Variants in ZFYVE28 observed in about 807,000 individuals in gnomAD.
ZFYVE28 encodes the protein zinc finger FYVE-type containing 28.
In ZFYVE28, 40 loss-of-function variants were observed where a neutral mutation model predicts 82.1. That is an observed-to-expected ratio of 0.49 (90% CI 0.38 to 0.63). The LOEUF (loss-of-function observed/expected upper bound fraction) is 0.63. ZFYVE28 is among the 30% of genes least tolerant of loss of function. The probability of loss-of-function intolerance (pLI) is 0.00; values close to 1 mark genes in which losing one functional copy is unlikely to be tolerated. For missense variants in ZFYVE28, 1,321 were observed against 1,242.1 expected, an observed-to-expected ratio of 1.06 and a Z score of -0.96; for synonymous variants, 612 against 546.1, an observed-to-expected ratio of 1.12 and a Z score of -1.68.
At chr4:2,327,285 TATATATATATATATATATATATATCG>T (rs1046533831) in intron 6 of ZFYVE28, among the ~76,000 whole-genome samples, 1 of 34,698 alleles carries the variant, frequency 2.9e-5, no homozygotes, top group African/African-American at 7.9e-5. Flanking sequence ...TATATATATA[TATATATATATATATATATATATATCG>T]AATAAAGTTG....
At chr4:2,399,243 T>G (rs1560339420) in intron 1 of ZFYVE28, among the ~76,000 whole-genome samples, 1 of 151,542 alleles carries the variant, frequency 6.6e-6, no homozygotes, top group Non-Finnish European at 1.5e-5. Flanking sequence ...GGGGTTGAGA[T>G]CCAGCCCTGC....
intron 1 of ZFYVE28, among the ~76,000 whole-genome samples, chr4:2,371,926 C>T (rs931606216): frequency 7.2e-5 from 11 of 152,040 alleles, no homozygotes; most frequent in African/African-American, 1.2e-4. Context: ...AGCTGATGGC[C>T]GTGTGTCCCC....
intron 6 of ZFYVE28, among the ~76,000 whole-genome samples, chr4:2,334,186 C>T (rs1721194391): frequency 6.6e-6 from 1 of 152,158 alleles, no homozygotes; most frequent in African/African-American, 2.4e-5. Flanking sequence ...AAGGACGGCG[C>T]AGGAAACAGG....
intron 1 of ZFYVE28, chr4:2,364,728 G>C (rs545556609): frequency 2.0e-6 from 2 of 985,532 alleles, no homozygotes; most frequent in African/African-American, 3.5e-5. Flanking sequence ...AGTGGTGGAC[G>C]CAGGTGATGA....
chr4:2,359,141 AT>A (rs60652968), intron 1 of ZFYVE28, among the ~76,000 whole-genome samples: 306 of 143,850 alleles, frequency 2.1e-3, no homozygotes, highest in Middle Eastern at 3.5e-3. Context: ...GGCCCGGCTA[AT>A]TTTTTTTTTT....
intron 1 of ZFYVE28, among the ~76,000 whole-genome samples, chr4:2,413,892 C>T (rs1050504633): frequency 3.3e-5 from 5 of 152,242 alleles, no homozygotes; most frequent in Admixed American, 6.5e-5. Context: ...AGACCCCTCC[C>T]ACAGCCTTCC....
chr4:2,317,955 G>C (rs1233668135), intron 7 of ZFYVE28, among the ~76,000 whole-genome samples: 1 of 152,132 alleles, frequency 6.6e-6, no homozygotes, highest in Non-Finnish European at 1.5e-5. Context: ...TTGTTCCTAA[G>C]CACCTGGAAA....
intron 2 of ZFYVE28, among the ~76,000 whole-genome samples, chr4:2,351,749 G>C (rs940730249): frequency 6.6e-6 from 1 of 152,194 alleles, no homozygotes; most frequent in Non-Finnish European, 1.5e-5. Flanking sequence ...CGCCCCTTCA[G>C]ATGCTGATCC....
intron 8 of ZFYVE28, among the ~76,000 whole-genome samples, chr4:2,303,858 A>G (rs933976240): frequency 2.6e-5 from 4 of 152,216 alleles, no homozygotes; most frequent in African/African-American, 9.6e-5. Flanking sequence ...TGGTCAGCAA[A>G]GAGAAGTGGG....
chr4:2,289,757 T>C (rs370698552), intron 8 of ZFYVE28, among the ~76,000 whole-genome samples: 1 of 152,164 alleles, frequency 6.6e-6, no homozygotes, highest in Non-Finnish European at 1.5e-5. Flanking sequence ...TGACACAGCT[T>C]ACCACAGCCT....
At chr4:2,333,030 A>C in intron 6 of ZFYVE28, among the ~76,000 whole-genome samples, 2 of 147,508 alleles carry the variant, frequency 1.4e-5, no homozygotes, top group African/African-American at 2.5e-5. Flanking sequence ...AGCCCCCTTC[A>C]CCTCCTGGGG....
At chr4:2,308,697 GAAA>G (rs781493887) in intron 7 of ZFYVE28, among the ~76,000 whole-genome samples, 1 of 124,252 alleles carries the variant, frequency 8.0e-6, no homozygotes, top group African/African-American at 3.4e-5. Context: ...GAAAAGAAAA[GAAA>G]AGAAAAAAGA....
chr4:2,360,867 G>A (rs759110651), intron 1 of ZFYVE28, among the ~76,000 whole-genome samples: 1 of 152,138 alleles, frequency 6.6e-6, no homozygotes, highest in East Asian at 1.9e-4. Flanking sequence ...GGGGAGGGGC[G>A]GTTAATGTTC....
intron 6 of ZFYVE28, among the ~76,000 whole-genome samples, chr4:2,321,875 C>T (rs937220892): frequency 1.1e-4 from 17 of 152,158 alleles, no homozygotes; most frequent in African/African-American, 3.4e-4. Flanking sequence ...CCCAGCTGCC[C>T]CCCAGGGCAG....
rs1182922399 is a variant in ZFYVE28 at position 2,332,731 on chromosome 4, A to G, written c.701+2974T>C. On this transcript the variant is annotated intron_variant, in intron 6 of 12. Coordinates refer to ENST00000290974, the MANE Select transcript of ZFYVE28 (RefSeq NM_020972.3). This position sits in a 1 kb window ranked among gnomAD's most constrained non-coding sequence, Gnocchi z 4.7. ...ACAAGACGGGATCCGCTGGTGGTGCAGGGCTGCAGGGCCCCAGTGAGCATC... is the reference window on the plus strand; with the variant it reads ...ACAAGACGGGATCCGCTGGTGGTGCGGGGCTGCAGGGCCCCAGTGAGCATC... 6.6e-6 allele frequency among the ~76,000 whole-genome samples: 1 copy of G among 152,116 alleles called. No individual in the cohort carries two copies. Among genetic ancestry groups the G allele is most frequent in the Non-Finnish European group, 1.5e-5 (1 of 67,996 alleles).
At chr4:2,290,979 C>G (rs1454893773) in intron 8 of ZFYVE28, among the ~76,000 whole-genome samples, 6 of 152,198 alleles carry the variant, frequency 3.9e-5, no homozygotes, top group Non-Finnish European at 7.3e-5. Context: ...ATTACATAAG[C>G]AATACATGTG....
Position 2,270,542 on chromosome 4 carries a change from G to A in ZFYVE28, c.*183C>T. 1 of 877,974 alleles carries A rather than the reference G, an allele frequency of 1.1e-6. No individual in the cohort carries two copies. Among genetic ancestry groups the A allele is most frequent in the Non-Finnish European group, 1.7e-6 (1 of 586,752 alleles). 54.4% of individuals were successfully genotyped at this position (877,974 alleles called of 1,614,324 possible). On this transcript the variant is annotated 3_prime_UTR_variant, in exon 13 of 13. Coordinates refer to ENST00000290974, the MANE Select transcript of ZFYVE28 (RefSeq NM_020972.3). ...GACCTCTTGTTGGCCCCTGCAGCCG[G>A]CCCGGGGTCCCTGCAGGGAGGCTAG...
At chr4:2,284,022 C>T (rs763058864) in intron 8 of ZFYVE28, among the ~76,000 whole-genome samples, 3 of 152,160 alleles carry the variant, frequency 2.0e-5, no homozygotes, top group Admixed American at 6.5e-5. Context: ...CTCCACAGAA[C>T]GCAATTCCCT....
chr4:2,327,710 T>A (rs138030273), intron 6 of ZFYVE28, among the ~76,000 whole-genome samples: 101 of 152,322 alleles, frequency 6.6e-4, no homozygotes, highest in Non-Finnish European at 1.3e-3. Flanking sequence ...ATGGTTTTTT[T>A]ATTCTATTAA....
Sources: gnomAD v4.1 joint callset for allele counts (sites outside exome capture counted in the v4.1 genomes callset) on GRCh38, gnomAD v4.1.1 for gene constraint, Gnocchi (gnomAD v3.1) non-coding constraint, MANE v1.5 for transcripts, NCBI Gene and HGNC (gene_info 2026-07-23, HGNC 2026-07-21) for gene names.